The following GRAMD1B variants were observed in gnomAD, a reference collection of about 807,000 sequenced individuals.
The protein encoded by GRAMD1B is protein Aster-B.
A neutral mutation model predicts 99.7 loss-of-function variants in GRAMD1B; 37 were observed. The ratio of observed to expected loss-of-function variants is 0.37; its 90% CI spans 0.29 to 0.49. The LOEUF (loss-of-function observed/expected upper bound fraction) is 0.49. GRAMD1B is among the 20% of genes least tolerant of loss of function. GRAMD1B has a pLI of 0.98. For synonymous variants in GRAMD1B, 427 were observed against 387.6 expected (o/e 1.10, Z -1.19); for missense variants, 888 against 1,009.2 (o/e 0.88, Z 1.63).
intron 4 of GRAMD1B, among the ~76,000 whole-genome samples, chr11:123,585,824 GC>G (rs1782464002): frequency 1.3e-5 from 2 of 152,202 alleles, no homozygotes; most frequent in Admixed American, 1.3e-4. Flanking sequence ...GGACAGGCCA[GC>G]CCCTGTCCTT....
At chr11:123,564,051 G>C (rs1379773312) in intron 2 of GRAMD1B, among the ~76,000 whole-genome samples, 2 of 152,206 alleles carry the variant, frequency 1.3e-5, no homozygotes, top group Non-Finnish European at 2.9e-5. Flanking sequence ...CATCCTGGTA[G>C]GCCAGTGAGG....
At chr11:123,429,252 G>C (rs1251387154), upstream of GRAMD1B, among the ~76,000 whole-genome samples, 2 of 152,152 alleles carry the variant, frequency 1.3e-5, no homozygotes, top group Admixed American at 1.3e-4. The surrounding 1 kb of genome is among the most constrained non-coding windows in gnomAD (Gnocchi z 4.0). Context: ...TTGGGCTGGG[G>C]TTGAAGGAGG....
At chr11:123,424,159 G>T (rs946120953) in intron 1 of GRAMD1B, among the ~76,000 whole-genome samples, 1 of 151,180 alleles carries the variant, frequency 6.6e-6, no homozygotes, top group African/African-American at 2.4e-5. Context: ...TGGTTTTTAT[G>T]GTTCCCATCT....
At chr11:123,513,876 G>A (rs1463649988) in intron 2 of GRAMD1B, among the ~76,000 whole-genome samples, 1 of 151,902 alleles carries the variant, frequency 6.6e-6, no homozygotes, top group African/African-American at 2.4e-5. Flanking sequence ...GGCTGGTCTC[G>A]AACTCCTGGG....
chr11:123,474,222 T>TTGCCCAGCCCGCATTGCAGAG (rs1951152274), intron 1 of GRAMD1B, among the ~76,000 whole-genome samples: 1 of 152,046 alleles, frequency 6.6e-6, no homozygotes, highest in Admixed American at 6.6e-5. Flanking sequence ...TTCTACCATT[T>TTGCCCAGCCCGCATTGCAGAG]CTAATCCCCA....
chr11:123,442,755 C>T (rs541379153), intron 1 of GRAMD1B, among the ~76,000 whole-genome samples: 10 of 151,954 alleles, frequency 6.6e-5, no homozygotes, highest in East Asian at 1.9e-4. Flanking sequence ...GGTGACAAAG[C>T]GAGATACCAT....
At chr11:123,484,178 C>T (rs564110270) in intron 2 of GRAMD1B, among the ~76,000 whole-genome samples, 1 of 152,146 alleles carries the variant, frequency 6.6e-6, no homozygotes, top group East Asian at 1.9e-4. Context: ...GTATACTGTC[C>T]GTTTCTGAGC....
At chr11:123,415,095 C>CTTTTTTT (rs1175202539) in intron 1 of GRAMD1B, among the ~76,000 whole-genome samples, 4 of 75,816 alleles carry the variant, frequency 5.3e-5, no homozygotes, top group Non-Finnish European at 9.7e-5. Context: ...CTTTTTCTTT[C>CTTTTTTT]TTTTTTTTTT....
chr11:123,368,980 G>GA (rs143161090), intron 1 of GRAMD1B, among the ~76,000 whole-genome samples: 18,386 of 151,764 alleles, frequency 0.12, 2,059 homozygotes, highest in African/African-American at 0.3. Context: ...GGGGAAGAAA[G>GA]AAAAAAAATG....
chr11:123,533,623 C>T (rs1943648377), intron 2 of GRAMD1B, among the ~76,000 whole-genome samples: 1 of 152,092 alleles, frequency 6.6e-6, no homozygotes. Flanking sequence ...GACAAGATTT[C>T]ACCATGTTGA....
chr11:123,534,649 G>A (rs1943763508), intron 2 of GRAMD1B, among the ~76,000 whole-genome samples: 1 of 152,044 alleles, frequency 6.6e-6, no homozygotes, highest in African/African-American at 2.4e-5. Flanking sequence ...GATCACATGA[G>A]GTCAGGAGTT....
intron 2 of GRAMD1B, among the ~76,000 whole-genome samples, chr11:123,490,671 A>AT (rs1938453336): frequency 2.0e-5 from 3 of 152,224 alleles, no homozygotes; most frequent in Admixed American, 2.0e-4. Context: ...AATTGGGTAC[A>AT]TATGGGTGTG....
intron 1 of GRAMD1B, among the ~76,000 whole-genome samples, chr11:123,448,259 T>C (rs889012982): frequency 4.8e-5 from 7 of 147,098 alleles, no homozygotes; most frequent in Admixed American, 1.3e-4. Context: ...ACTATTTTTT[T>C]ATTATTTTTT....
rs984404627 is a variant in GRAMD1B at position 123,610,439 on chromosome 11, C to T, written c.1919+101C>T. Reference sequence around the variant, plus strand: ...GAAGGAGGAGGTGGGGAGTGCTTGGCTGCTGACTCTCTTTATTCTACTTTC... The same window carrying T: ...GAAGGAGGAGGTGGGGAGTGCTTGGTTGCTGACTCTCTTTATTCTACTTTC... On this transcript the variant is annotated intron_variant, in intron 14 of 19. Coordinates refer to ENST00000635736, the MANE Select transcript of GRAMD1B (RefSeq NM_001387025.1). The surrounding 1 kb of genome is among the most constrained non-coding windows in gnomAD (Gnocchi z 4.1). 8.8e-6 allele frequency: 10 copies of T among 1,132,416 alleles called. No individual in the cohort carries two copies. The South Asian group carries it at 1.1e-4, about 12-fold the overall frequency. 70.1% of individuals were successfully genotyped at this position (1,132,416 alleles called of 1,614,324 possible). A position where few individuals can be genotyped will look rare whatever the true frequency, so the allele number is the denominator to read the frequency against.
intron 2 of GRAMD1B, among the ~76,000 whole-genome samples, chr11:123,499,880 A>G (rs557213564): frequency 2.6e-5 from 4 of 152,326 alleles, no homozygotes; most frequent in Non-Finnish European, 4.4e-5. Flanking sequence ...TTGAAACTCC[A>G]CTACACGCTT....
rs553214684 is a variant in GRAMD1B, at chr11:123,367,344, C to T, written c.-176+8545C>T. ...GAGTCAGACACCTTGTTAATGACTACGAAGAGGTAAGAACAAAGTGTCATA... is the reference window on the plus strand; with the variant it reads ...GAGTCAGACACCTTGTTAATGACTATGAAGAGGTAAGAACAAAGTGTCATA... On this transcript the variant is annotated intron_variant, in intron 1 of 20. Transcript: ENST00000638157. Among the ~76,000 whole-genome samples, 8 of 152,208 alleles carry T rather than the reference C, an allele frequency of 5.3e-5. No homozygotes were observed. The South Asian group carries it at 6.2e-4, about 12-fold the overall frequency.
chr11:123,384,625 A>G (rs938216304), intron 1 of GRAMD1B, among the ~76,000 whole-genome samples: 1 of 152,152 alleles, frequency 6.6e-6, no homozygotes. Context: ...TATTCTCACT[A>G]CTGAACCCAG....
chr11:123,404,229 C>T (rs1012254489), intron 1 of GRAMD1B, among the ~76,000 whole-genome samples: 13 of 152,266 alleles, frequency 8.5e-5, no homozygotes, highest in African/African-American at 2.6e-4. Flanking sequence ...CTTTTTGTGG[C>T]GTGAGCAGTG....
At chr11:123,544,561 C>T (rs1944877195) in intron 2 of GRAMD1B, among the ~76,000 whole-genome samples, 1 of 152,220 alleles carries the variant, frequency 6.6e-6, no homozygotes, top group African/African-American at 2.4e-5. Flanking sequence ...GGCTTTCCAA[C>T]CTTGCTCCAA....
Sources: gnomAD v4.1 joint callset for allele counts (sites outside exome capture counted in the v4.1 genomes callset) on GRCh38, gnomAD v4.1.1 for gene constraint, Gnocchi (gnomAD v3.1) non-coding constraint, MANE v1.5 for transcripts, NCBI Gene and HGNC (gene_info 2026-07-23, HGNC 2026-07-21) for gene names.